The following SPMIP7 variants were observed in gnomAD, a reference collection of about 807,000 sequenced individuals.
SPMIP7 encodes protein SPMIP7.
chr7:50,146,360 T>A, the SPMIP7 span, among the ~76,000 whole-genome samples: 3 of 152,218 alleles, frequency 2.0e-5, no homozygotes, highest in Non-Finnish European at 4.4e-5. Context: ...TTAACTCACA[T>A]TAAACGTGGC....
At chr7:50,159,225 C>G in the SPMIP7 span, 3 of 1,530,810 alleles carry the variant, frequency 2.0e-6, no homozygotes, top group Non-Finnish European at 1.8e-6. Context: ...GCTTGTGCGG[C>G]GGTGGGAAAT....
chr7:50,136,502 C>A, the SPMIP7 span, among the ~76,000 whole-genome samples: 2 of 152,220 alleles, frequency 1.3e-5, no homozygotes, highest in Non-Finnish European at 1.5e-5. Flanking sequence ...TGCACTCCAG[C>A]CTGGGTGATG....
chr7:50,120,549 C>T, the SPMIP7 span, among the ~76,000 whole-genome samples: 1 of 152,152 alleles, frequency 6.6e-6, no homozygotes, highest in Non-Finnish European at 1.5e-5. Context: ...TTTACTACTA[C>T]AGAAAGCTTA....
the SPMIP7 span, chr7:50,121,335 T>C: frequency 6.6e-6 from 1 of 152,244 alleles, no homozygotes; most frequent in Admixed American, 6.5e-5. Flanking sequence ...ATCTAAATTA[T>C]AGGTGAACCA....
chr7:50,114,515 A>G, the SPMIP7 span, among the ~76,000 whole-genome samples: 1 of 152,136 alleles, frequency 6.6e-6, no homozygotes, highest in Non-Finnish European at 1.5e-5. Context: ...ACAACAGAAA[A>G]GAAAAAAATT....
chr7:50,141,261 T>C, the SPMIP7 span: 2 of 1,457,942 alleles, frequency 1.4e-6, no homozygotes, highest in Non-Finnish European at 9.4e-7. Flanking sequence ...ATATGCCTTC[T>C]TTCCTTTCCA....
chr7:50,116,259 G>C, the SPMIP7 span, among the ~76,000 whole-genome samples: 732 of 152,260 alleles, frequency 4.8e-3, 2 homozygotes, highest in African/African-American at 0.017. Context: ...GGGACTACAG[G>C]CATGCACCAC....
At chr7:50,132,492 T>C in the SPMIP7 span, among the ~76,000 whole-genome samples, 3 of 152,172 alleles carry the variant, frequency 2.0e-5, no homozygotes. Flanking sequence ...TTAAGTAGTT[T>C]CTCTTTAAAC....
the SPMIP7 span, among the ~76,000 whole-genome samples, chr7:50,137,865 T>C: frequency 6.6e-6 from 1 of 152,200 alleles, no homozygotes; most frequent in Non-Finnish European, 1.5e-5. Context: ...TTACTGATTG[T>C]CACAACTTTT....
chr7:50,133,360 T>C, the SPMIP7 span, among the ~76,000 whole-genome samples: 2 of 152,158 alleles, frequency 1.3e-5, no homozygotes, highest in South Asian at 2.1e-4. Flanking sequence ...TGTTGCTGAA[T>C]CTTAGGAGGC....
chr7:50,147,841 T>C, the SPMIP7 span, among the ~76,000 whole-genome samples: 1 of 152,154 alleles, frequency 6.6e-6, no homozygotes, highest in African/African-American at 2.4e-5. Flanking sequence ...GAGTACAAAA[T>C]AAGGTATTTA....
At chr7:50,109,616 C>A in the SPMIP7 span, among the ~76,000 whole-genome samples, 41 of 152,274 alleles carry the variant, frequency 2.7e-4, 3 homozygotes, top group East Asian at 7.9e-3. Context: ...CTCAAGTGAT[C>A]CACCCGCCTC....
At chr7:50,150,201 A>T in the SPMIP7 span, among the ~76,000 whole-genome samples, 1 of 152,102 alleles carries the variant, frequency 6.6e-6, no homozygotes, top group Non-Finnish European at 1.5e-5. Flanking sequence ...CAAGGCAGCC[A>T]TTGAAGAACC....
At chr7:50,120,926 G>A in the SPMIP7 span, among the ~76,000 whole-genome samples, 4 of 152,038 alleles carry the variant, frequency 2.6e-5, no homozygotes, top group Admixed American at 2.0e-4. Flanking sequence ...ATTTTGAATT[G>A]TTTGTTCTGA....
the SPMIP7 span, among the ~76,000 whole-genome samples, chr7:50,119,029 C>A: frequency 6.6e-6 from 1 of 152,236 alleles, no homozygotes; most frequent in Admixed American, 6.5e-5. Context: ...TGAAGGAGAT[C>A]TTCCATGACC....
At chr7:50,159,192 G>A in the SPMIP7 span, 2 of 1,547,228 alleles carry the variant, frequency 1.3e-6, no homozygotes, top group East Asian at 2.4e-5. Flanking sequence ...TGCGCGGGCT[G>A]TCCAGGCCTC....
chr7:50,114,250 A>G, the SPMIP7 span, among the ~76,000 whole-genome samples: 1 of 152,180 alleles, frequency 6.6e-6, no homozygotes, highest in Non-Finnish European at 1.5e-5. Flanking sequence ...GGTAAATATA[A>G]AATACTATTT....
chr7:50,153,462 C>A, the SPMIP7 span, among the ~76,000 whole-genome samples: 1 of 152,224 alleles, frequency 6.6e-6, no homozygotes, highest in Non-Finnish European at 1.5e-5. Flanking sequence ...GTTTACTGTG[C>A]TCCAATAAAT....
chr7:50,143,172 T>C, the SPMIP7 span, among the ~76,000 whole-genome samples: 1 of 150,326 alleles, frequency 6.7e-6, no homozygotes, highest in Admixed American at 6.6e-5. Context: ...TTTTTTTTTT[T>C]TTTTTTTTTG....
Sources: allele counts gnomAD v4.1 joint callset (sites outside exome capture counted in the v4.1 genomes callset), GRCh38; gene constraint gnomAD v4.1.1; transcripts MANE v1.5; gene names NCBI Gene and HGNC (gene_info 2026-07-23, HGNC 2026-07-21).